PTPRD: variants seen among roughly 807,000 people sequenced by gnomAD.
The protein encoded by PTPRD is protein tyrosine phosphatase receptor type D, also known as receptor-type tyrosine-protein phosphatase delta.
Under a neutral mutation model 214.5 loss-of-function variants are expected in PTPRD, and 34 were observed. The ratio of observed to expected loss-of-function variants is 0.16; its 90% CI spans 0.12 to 0.21. The LOEUF is 0.21. PTPRD is among the 10% of genes least tolerant of loss of function. The probability of loss-of-function intolerance (pLI) is 1.00; values close to 1 mark genes in which losing one functional copy is unlikely to be tolerated. For synonymous variants in PTPRD, 1,128 were observed against 845.7 expected (o/e 1.33, Z -5.79); for missense variants, 2,545 against 2,398.7 (o/e 1.06, Z -1.27).
intron 4 of PTPRD, among the ~76,000 whole-genome samples, chr9:9,959,588 G>A (rs1812592315): frequency 6.6e-6 from 1 of 152,182 alleles, no homozygotes; most frequent in African/African-American, 2.4e-5. Flanking sequence ...AAACCTCACT[G>A]AAGAGAATGA....
chr9:10,125,725 G>A (rs912627365), intron 3 of PTPRD, among the ~76,000 whole-genome samples: 2 of 151,086 alleles, frequency 1.3e-5, no homozygotes, highest in African/African-American at 2.4e-5. Flanking sequence ...CTCGGGATCC[G>A]CTCGCCTCAG....
intron 5 of PTPRD, among the ~76,000 whole-genome samples, chr9:9,867,912 T>C (rs2064392782): frequency 1.3e-5 from 2 of 152,146 alleles, no homozygotes; most frequent in Admixed American, 1.3e-4. Context: ...GAAAGAAATC[T>C]GGAAGGAGCC....
chr9:10,030,554 G>C (rs919147100), intron 4 of PTPRD, among the ~76,000 whole-genome samples: 2 of 152,102 alleles, frequency 1.3e-5, no homozygotes, highest in Non-Finnish European at 2.9e-5. Context: ...GAAGAAACAT[G>C]AGTGACTAGA....
intron 12 of PTPRD, among the ~76,000 whole-genome samples, chr9:8,733,328 T>C (rs1450672800): frequency 6.6e-6 from 1 of 152,090 alleles, no homozygotes; most frequent in Non-Finnish European, 1.5e-5. Context: ...ACAGCTGCTA[T>C]GACAGCTACA....
intron 14 of PTPRD, among the ~76,000 whole-genome samples, chr9:8,539,706 C>G (rs2077868865): frequency 1.3e-5 from 2 of 151,994 alleles, no homozygotes; most frequent in Non-Finnish European, 2.9e-5. Context: ...CAGTAAACAT[C>G]AGCAAAACCC....
At chr9:10,183,932 C>A (rs907677119) in intron 3 of PTPRD, among the ~76,000 whole-genome samples, 1 of 152,120 alleles carries the variant, frequency 6.6e-6, no homozygotes, top group Non-Finnish European at 1.5e-5. Context: ...GAATCATTTT[C>A]CCCTCACATA....
At chr9:9,730,570 A>G (rs1274437143) in intron 7 of PTPRD, among the ~76,000 whole-genome samples, 1 of 152,114 alleles carries the variant, frequency 6.6e-6, no homozygotes, top group African/African-American at 2.4e-5. Flanking sequence ...TCTTGTTTTA[A>G]CTATCTATGT....
intron 39 of PTPRD, among the ~76,000 whole-genome samples, chr9:8,348,217 A>G (rs1407725446): frequency 2.0e-5 from 3 of 152,182 alleles, no homozygotes; most frequent in Non-Finnish European, 1.5e-5. Flanking sequence ...GCATTTATTT[A>G]GAATAATTCT....
At chr9:9,278,629 G>A (rs927910649) in intron 9 of PTPRD, among the ~76,000 whole-genome samples, 1 of 151,268 alleles carries the variant, frequency 6.6e-6, no homozygotes, top group East Asian at 2.0e-4. Flanking sequence ...CAGACAGAGG[G>A]CAACATTACA....
At chr9:9,822,694 A>C (rs1303217648) in intron 5 of PTPRD, among the ~76,000 whole-genome samples, 1 of 151,902 alleles carries the variant, frequency 6.6e-6, no homozygotes, top group East Asian at 1.9e-4. Context: ...AATAATCACA[A>C]CCTACACGTA....
At chr9:8,352,016 G>A (rs566181558) in intron 39 of PTPRD, among the ~76,000 whole-genome samples, 1 of 150,496 alleles carries the variant, frequency 6.6e-6, no homozygotes, top group South Asian at 2.1e-4. Context: ...GGGTGAAAAG[G>A]TAATTTCCTA....
At chr9:9,316,156 G>A (rs1387835524) in intron 9 of PTPRD, among the ~76,000 whole-genome samples, 2 of 151,882 alleles carry the variant, frequency 1.3e-5, no homozygotes, top group East Asian at 1.9e-4. Flanking sequence ...TATAAAGTAC[G>A]TTATTCTATG....
intron 4 of PTPRD, among the ~76,000 whole-genome samples, chr9:9,997,869 C>T (rs1422327421): frequency 1.3e-5 from 2 of 151,682 alleles, no homozygotes; most frequent in Non-Finnish European, 2.9e-5. Flanking sequence ...GATAGCTCCA[C>T]ATGTGCAGGA....
At chr9:9,928,353 C>T (rs1004550268) in intron 5 of PTPRD, among the ~76,000 whole-genome samples, 1 of 152,036 alleles carries the variant, frequency 6.6e-6, no homozygotes, top group Non-Finnish European at 1.5e-5. Flanking sequence ...CTTTATGTTG[C>T]CAAGCTCATT....
At chr9:9,416,649 G>T (rs1361212698) in intron 8 of PTPRD, among the ~76,000 whole-genome samples, 2 of 151,958 alleles carry the variant, frequency 1.3e-5, no homozygotes, top group African/African-American at 4.8e-5. Context: ...TTTTCCTCAG[G>T]ACTTTAACAT....
At chr9:8,815,794 C>G (rs550906490) in intron 11 of PTPRD, among the ~76,000 whole-genome samples, 1 of 152,090 alleles carries the variant, frequency 6.6e-6, no homozygotes, top group African/African-American at 2.4e-5. Context: ...TTCCAAGGAC[C>G]TAAATCAAGG....
chr9:9,227,868 T>C (rs976253384), intron 9 of PTPRD, among the ~76,000 whole-genome samples: 1 of 152,128 alleles, frequency 6.6e-6, no homozygotes, highest in South Asian at 2.1e-4. Context: ...TGCAGCCTAA[T>C]GAGGGACCCA....
chr9:10,418,909 G>A (rs1406668708), intron 2 of PTPRD, among the ~76,000 whole-genome samples: 1 of 151,848 alleles, frequency 6.6e-6, no homozygotes. Flanking sequence ...ATCAAGGAAA[G>A]AGGGCCTAGA....
intron 4 of PTPRD, among the ~76,000 whole-genome samples, chr9:9,988,437 A>C (rs1207885309): frequency 6.6e-6 from 1 of 152,158 alleles, no homozygotes; most frequent in African/African-American, 2.4e-5. Flanking sequence ...CATGCAGCTC[A>C]AACTGATTTC....
Sources: gnomAD v4.1 joint callset for allele counts (sites outside exome capture counted in the v4.1 genomes callset) on GRCh38, gnomAD v4.1.1 for gene constraint, MANE v1.5 for transcripts, NCBI Gene and HGNC (gene_info 2026-07-23, HGNC 2026-07-21) for gene names.